The following SPA17 variants were observed in gnomAD, a reference collection of about 807,000 sequenced individuals.
SPA17 encodes sperm surface protein Sp17.
In SPA17, 7 loss-of-function variants were observed where a neutral mutation model predicts 13.8. The observed-to-expected ratio is 0.51, with a 90% CI of 0.29 to 0.95. The LOEUF (loss-of-function observed/expected upper bound fraction) is 0.95, where lower values mean the gene tolerates loss of function less well. SPA17 is among the 40% of genes least tolerant of loss of function. SPA17 has a pLI of 0.08. For missense variants in SPA17, 170 were observed against 179.3 expected (o/e 0.95, Z 0.30); for synonymous variants, 61 against 59.0 (o/e 1.03, Z -0.16).
intron 2 of SPA17, among the ~76,000 whole-genome samples, chr11:124,680,531 G>T (rs1334314809): frequency 6.6e-6 from 1 of 152,174 alleles, no homozygotes; most frequent in Non-Finnish European, 1.5e-5. Flanking sequence ...AGAGCTGTGT[G>T]TGCCCGTTTT....
In SPA17 at chr11:124,687,872, G is replaced by A. The variant is rs527506479; in HGVS notation, c.226-3824G>A. On this transcript the variant is annotated intron_variant, in intron 3 of 4. Coordinates refer to ENST00000227135, the MANE Select transcript of SPA17 (RefSeq NM_017425.4). ...TTAAAAGCAATCCCCCAAAGAACAGGAACAAGACAAGAATGCCCATTTTCA... is the reference window on the plus strand; with the variant it reads ...TTAAAAGCAATCCCCCAAAGAACAGAAACAAGACAAGAATGCCCATTTTCA... 1.9e-3 allele frequency among the ~76,000 whole-genome samples: 291 copies of A among 152,146 alleles called. 1 individual carries two copies. Among genetic ancestry groups the A allele is most frequent in the Non-Finnish European group, 3.2e-3 (221 of 68,006 alleles).
chr11:124,685,367 T>C lies in SPA17; in HGVS notation c.225+3908T>C, dbSNP rs551382788. On this transcript the variant is annotated intron_variant, in intron 3 of 4. Coordinates refer to ENST00000227135, the MANE Select transcript of SPA17 (RefSeq NM_017425.4). ...TTTGTGGGTCCACAGAAGTCAAGAA[T>C]TGAGGTTTGGGAAACTCCACCTAGA... 1.6e-4 allele frequency among the ~76,000 whole-genome samples: 24 copies of C among 152,354 alleles called. 2 individuals carry two copies. Among genetic ancestry groups the C allele is most frequent in the African/African-American group, 5.3e-4 (22 of 41,582 alleles).
At chr11:124,678,550 TTGTG>T (rs1273826739) in intron 2 of SPA17, among the ~76,000 whole-genome samples, 2 of 128,636 alleles carry the variant, frequency 1.6e-5, no homozygotes, top group African/African-American at 3.4e-5. Context: ...GTGTGTGTGT[TTGTG>T]TGTGTATTTG....
chr11:124,683,885 G>A (rs535164905), intron 3 of SPA17, among the ~76,000 whole-genome samples: 53 of 151,878 alleles, frequency 3.5e-4, no homozygotes, highest in African/African-American at 1.3e-3. Flanking sequence ...TAATAGTGAG[G>A]GGCTTCAACA....
intron 2 of SPA17, 130 bp from the exon 3 acceptor site, chr11:124,681,259 G>C: frequency 3.7e-6 from 2 of 537,786 alleles, no homozygotes; most frequent in South Asian, 7.0e-5. Context: ...TATGCACAAT[G>C]TCAATAAGAT....
chr11:124,678,101 C>T (rs981465702), intron 2 of SPA17, among the ~76,000 whole-genome samples: 9 of 151,928 alleles, frequency 5.9e-5, no homozygotes, highest in Admixed American at 1.3e-4. Context: ...ACCTTTGACC[C>T]GGAGGTGCCA....
At chr11:124,689,638 G>A (rs977604143) in intron 3 of SPA17, among the ~76,000 whole-genome samples, 5 of 151,936 alleles carry the variant, frequency 3.3e-5, no homozygotes, top group East Asian at 3.9e-4. Flanking sequence ...TTAGCCAGAC[G>A]TGGTGGTGTG....
rs1943656370 is a variant in SPA17 at position 124,694,700 on chromosome 11, T to C, written c.*254T>C. The C allele has an allele frequency of 2.9e-6, 1 of 341,750 alleles. No homozygotes were observed. Among genetic ancestry groups the C allele is most frequent in the South Asian group, 4.8e-5 (1 of 20,714 alleles). The allele number at this position is 341,750 out of a possible 1,614,324, so 21.2% of individuals were successfully genotyped here. A position where few individuals can be genotyped will look rare whatever the true frequency, so the allele number is the denominator to read the frequency against. ...ATAGAGACCCTTGGATTTAGAATTA[T>C]AGAACTAAAGTATCTGAGATTACAG... is the stretch of plus-strand genomic sequence containing the variant. On this transcript the variant is annotated 3_prime_UTR_variant, in exon 5 of 5. Transcript: ENST00000227135.
At chr11:124,692,117 G>A (rs1372521491) in intron 4 of SPA17, among the ~76,000 whole-genome samples, 4 of 152,084 alleles carry the variant, frequency 2.6e-5, no homozygotes, top group Admixed American at 2.6e-4. Flanking sequence ...TTCACTAATT[G>A]GTGCTGTCAC....
intron 3 of SPA17, 147 bp downstream of exon 3, chr11:124,681,606 A>G: frequency 3.5e-6 from 1 of 285,852 alleles, no homozygotes; most frequent in Non-Finnish European, 6.3e-6. Context: ...AATTTAATAA[A>G]TCTTATTTTA....
At chr11:124,678,896 T>A (rs537127637) in intron 2 of SPA17, among the ~76,000 whole-genome samples, 74 of 152,170 alleles carry the variant, frequency 4.9e-4, no homozygotes, top group African/African-American at 1.7e-3. Flanking sequence ...GAAAAGTAAA[T>A]CTTTGAAAAC....
At position 124,696,542 on chromosome 11, in the gene SPA17, A is replaced by T. The variant is rs987533224; in HGVS notation, c.*2096A>T. The T allele has an allele frequency of 6.6e-6, 1 of 152,228 alleles. No homozygotes were observed. The highest frequency in any genetic ancestry group is 1.5e-5 in the Non-Finnish European group (1 of 68,072). The allele number at this position is 152,228 out of a possible 1,614,324, so 9.4% of individuals were successfully genotyped here. A position where few individuals can be genotyped will look rare whatever the true frequency, so the allele number is the denominator to read the frequency against. ...ATATTGGTAGTGAAGGAGGAAAAGGAAAAGGTGAGCAATGGATGTGATATT... is the reference window on the plus strand; with the variant it reads ...ATATTGGTAGTGAAGGAGGAAAAGGTAAAGGTGAGCAATGGATGTGATATT... On this transcript the variant is annotated 3_prime_UTR_variant, in exon 5 of 5. Coordinates refer to ENST00000227135, the MANE Select transcript of SPA17 (RefSeq NM_017425.4).
intron 3 of SPA17, 76 bp from the exon 4 acceptor site, chr11:124,691,620 T>G: frequency 1.3e-6 from 1 of 763,198 alleles, no homozygotes; most frequent in East Asian, 2.9e-5. Context: ...AATGTTTCAT[T>G]ACTTCTAAGC....
chr11:124,693,691 T>C (rs1454625879), intron 4 of SPA17, among the ~76,000 whole-genome samples: 1 of 152,134 alleles, frequency 6.6e-6, no homozygotes, highest in Non-Finnish European at 1.5e-5. Flanking sequence ...AAGCTGTATA[T>C]TCAATTGTAC....
chr11:124,685,622 G>C (rs1022361098), intron 3 of SPA17, among the ~76,000 whole-genome samples: 1 of 152,166 alleles, frequency 6.6e-6, no homozygotes, highest in Admixed American at 6.5e-5. Flanking sequence ...ACATGGAAAA[G>C]CTGCATACAC....
chr11:124,688,434 T>A (rs1185684695), intron 3 of SPA17, among the ~76,000 whole-genome samples: 1 of 152,240 alleles, frequency 6.6e-6, no homozygotes, highest in Non-Finnish European at 1.5e-5. Flanking sequence ...GTAGCATTTC[T>A]ATACACTAAT....
chr11:124,686,086 G>A (rs1456459407), intron 3 of SPA17, among the ~76,000 whole-genome samples: 2 of 150,540 alleles, frequency 1.3e-5, no homozygotes, highest in Non-Finnish European at 2.9e-5. Context: ...GGGGCCAAAT[G>A]ATATGCTTTG....
chr11:124,691,971 T>G (rs1943626935), intron 4 of SPA17, among the ~76,000 whole-genome samples, 189 bp downstream of exon 4: 1 of 152,168 alleles, frequency 6.6e-6, no homozygotes, highest in Non-Finnish European at 1.5e-5. Flanking sequence ...TGATCAAAAA[T>G]TCATTTTTCC....
At chr11:124,677,005 C>G (rs1943473041) in intron 2 of SPA17, among the ~76,000 whole-genome samples, 1 of 152,128 alleles carries the variant, frequency 6.6e-6, no homozygotes, top group Admixed American at 6.5e-5. Context: ...AGTCTTTAGT[C>G]ATTTATTTAA....
Sources: allele counts gnomAD v4.1 joint callset (sites outside exome capture counted in the v4.1 genomes callset), GRCh38; gene constraint gnomAD v4.1.1; transcripts MANE v1.5; gene names NCBI Gene and HGNC (gene_info 2026-07-23, HGNC 2026-07-21).